The following RFTN2 variants were observed in gnomAD, a reference collection of about 807,000 sequenced individuals.
RFTN2 encodes raftlin family member 2.
A neutral mutation model predicts 52.7 loss-of-function variants in RFTN2; 34 were observed. The observed-to-expected ratio is 0.64, with a 90% confidence interval of 0.49 to 0.86. The LOEUF is 0.86. Among genes scored for constraint, RFTN2 ranks in the 40% least tolerant of loss-of-function variants. The pLI, the probability that RFTN2 is intolerant of heterozygous loss-of-function variation, is 0.00. For synonymous variants in RFTN2, 203 were observed against 217.7 expected (o/e 0.93, Z 0.59); for missense variants, 536 against 600.1 (o/e 0.89, Z 1.12).
chr2:197,620,049 A>C (rs574259997), intron 5 of RFTN2, among the ~76,000 whole-genome samples: 1 of 152,182 alleles, frequency 6.6e-6, no homozygotes, highest in East Asian at 1.9e-4. Flanking sequence ...CGTTGTATGC[A>C]TGTTAATTAT....
chr2:197,618,491 C>T (rs2088189166), intron 5 of RFTN2, among the ~76,000 whole-genome samples: 1 of 152,084 alleles, frequency 6.6e-6, no homozygotes. Flanking sequence ...AGATTGCAGC[C>T]TCTGCCCGGC....
chr2:197,620,398 G>T (rs987839924), intron 5 of RFTN2, among the ~76,000 whole-genome samples: 4 of 152,078 alleles, frequency 2.6e-5, no homozygotes. Context: ...ATGGTCATGT[G>T]CTGCTTAAAC....
At chr2:197,602,008 A>C (rs1469704728) in intron 7 of RFTN2, among the ~76,000 whole-genome samples, 1 of 152,228 alleles carries the variant, frequency 6.6e-6, no homozygotes, top group Non-Finnish European at 1.5e-5. Context: ...AAAACAAACA[A>C]GCAACAAAAA....
intron 8 of RFTN2, among the ~76,000 whole-genome samples, chr2:197,581,971 A>T (rs1413615920): frequency 1.3e-5 from 2 of 152,098 alleles, no homozygotes; most frequent in Non-Finnish European, 2.9e-5. Flanking sequence ...CTCCCACACT[A>T]GCTCTCCCTG....
intron 3 of RFTN2, among the ~76,000 whole-genome samples, chr2:197,640,092 C>A (rs1025312854): frequency 6.6e-6 from 1 of 152,302 alleles, no homozygotes; most frequent in Non-Finnish European, 1.5e-5. Flanking sequence ...GGGAGTCTGC[C>A]CGTTCTCAGA....
intron 5 of RFTN2, among the ~76,000 whole-genome samples, chr2:197,630,388 T>C (rs528665221): frequency 1.4e-3 from 209 of 152,266 alleles, no homozygotes; most frequent in African/African-American, 4.4e-3. Flanking sequence ...TTTTTAACCC[T>C]CATCTCTTAA....
At chr2:197,642,435 T>C (rs1014822536) in intron 3 of RFTN2, among the ~76,000 whole-genome samples, 1 of 152,246 alleles carries the variant, frequency 6.6e-6, no homozygotes, top group Non-Finnish European at 1.5e-5. Flanking sequence ...ATACAACATT[T>C]AACTTTTCAT....
intron 3 of RFTN2, among the ~76,000 whole-genome samples, chr2:197,641,864 A>G (rs1477150044): frequency 2.0e-5 from 3 of 152,242 alleles, no homozygotes; most frequent in Non-Finnish European, 4.4e-5. Context: ...TCTTAATGAA[A>G]TAACCCTGTT....
At position 197,624,389 on chromosome 2, in the gene RFTN2, G is replaced by T. The variant is rs192634837; in HGVS notation, c.929-6468C>A. On this transcript the variant is annotated intron_variant, in intron 5 of 8. Transcript: ENST00000295049. ...CTGAGGTGGGCGGATCACAAGGTCG[G>T]GAGATGGAGACCATCCTGGCTAACA... is the stretch of plus-strand genomic sequence containing the variant. Among the ~76,000 whole-genome samples, 762 of 148,520 alleles carry T rather than the reference G, an allele frequency of 5.1e-3. 7 individuals carry two copies. Among genetic ancestry groups the T allele is most frequent in the African/African-American group, 0.015 (614 of 40,356 alleles).
chr2:197,569,594 CG>C lies in RFTN2; in HGVS notation c.*2413del. 1 of 151,818 alleles carries C rather than the reference CG, an allele frequency of 6.6e-6. No homozygotes were observed. The highest frequency in any genetic ancestry group is 6.6e-5 in the Admixed American group (1 of 15,240). 9.4% of individuals were successfully genotyped at this position (151,818 alleles called of 1,614,324 possible). A position where few individuals can be genotyped will look rare whatever the true frequency, so the allele number is the denominator to read the frequency against. On this transcript the variant is annotated 3_prime_UTR_variant, in exon 9 of 9. Coordinates refer to ENST00000295049, the MANE Select transcript of RFTN2 (RefSeq NM_144629.3). ...AGAAATAACTCAGATTAAAAATAAA[CG>C]GGAGGGGAGAAAAAAATAAACTGAG...
At chr2:197,631,248 G>GAAAATTAAGAATCTTTGATCAAC in intron 4 of RFTN2, 28 bp from the exon 5 acceptor site, 1 of 1,504,532 alleles carries the variant, frequency 6.6e-7, no homozygotes, top group Non-Finnish European at 9.2e-7. Context: ...GAAAAAAGGG[G>GAAAATTAAGAATCTTTGATCAAC]AAAATTATAA....
chr2:197,581,395 G>A (rs1328345859), intron 8 of RFTN2, among the ~76,000 whole-genome samples: 2 of 152,062 alleles, frequency 1.3e-5, no homozygotes, highest in Admixed American at 6.6e-5. Flanking sequence ...CATTGTCCCA[G>A]CCTCTGTTTG....
rs1451320681 is a variant in RFTN2, at chr2:197,637,376, C to G, written c.439-3379G>C. 4.4e-3 allele frequency among the ~76,000 whole-genome samples: 669 copies of G among 152,040 alleles called. 3 individuals are homozygous for G. Among genetic ancestry groups the G allele is most frequent in the African/African-American group, 0.015 (642 of 41,490 alleles). Reference sequence around the variant, plus strand: ...CTGTGAATCCATCTGGTCCTGGACTCTTTTTGGTTGGTAAGCTATTGATTA... The same window carrying G: ...CTGTGAATCCATCTGGTCCTGGACTGTTTTTGGTTGGTAAGCTATTGATTA... On this transcript the variant is annotated intron_variant, in intron 3 of 8. Coordinates refer to ENST00000295049, the MANE Select transcript of RFTN2 (RefSeq NM_144629.3).
intron 5 of RFTN2, among the ~76,000 whole-genome samples, chr2:197,619,303 G>C (rs910420475): frequency 2.0e-5 from 3 of 152,028 alleles, no homozygotes; most frequent in East Asian, 1.9e-4. Flanking sequence ...AATAGAAAGG[G>C]GGGAAAGGTG....
intron 1 of RFTN2, among the ~76,000 whole-genome samples, chr2:197,648,741 T>G (rs2106254894): frequency 6.6e-6 from 1 of 152,336 alleles, no homozygotes; most frequent in South Asian, 2.1e-4. Context: ...CGCGTGTTAG[T>G]CTTTCTCTTA....
At chr2:197,592,556 G>A (rs1302898706) in intron 8 of RFTN2, among the ~76,000 whole-genome samples, 4 of 152,144 alleles carry the variant, frequency 2.6e-5, no homozygotes, top group Admixed American at 2.6e-4. Context: ...GAAATCTATT[G>A]TTTAATGAAA....
At chr2:197,605,888 G>A (rs1188407245) in intron 7 of RFTN2, among the ~76,000 whole-genome samples, 2 of 151,980 alleles carry the variant, frequency 1.3e-5, no homozygotes, top group African/African-American at 2.4e-5. Context: ...CTTTCATCAC[G>A]GTGCCCCCTC....
chr2:197,624,455 G>A (rs544002456), intron 5 of RFTN2, among the ~76,000 whole-genome samples: 5 of 151,824 alleles, frequency 3.3e-5, no homozygotes, highest in South Asian at 2.1e-4. Flanking sequence ...AAAATTAGCC[G>A]GGCGTGGTGG....
At chr2:197,612,782 C>T (rs1559349020) in intron 7 of RFTN2, among the ~76,000 whole-genome samples, 1 of 152,172 alleles carries the variant, frequency 6.6e-6, no homozygotes, top group Admixed American at 6.5e-5. Context: ...TAGGGACGTA[C>T]TGTATGTATG....
Sources: allele counts gnomAD v4.1 joint callset (sites outside exome capture counted in the v4.1 genomes callset), GRCh38; gene constraint gnomAD v4.1.1; transcripts MANE v1.5; gene names NCBI Gene and HGNC (gene_info 2026-07-23, HGNC 2026-07-21).